The following PTPRN2 variants were observed in gnomAD, a reference collection of about 807,000 sequenced individuals.
The protein encoded by PTPRN2 is protein tyrosine phosphatase receptor type N2, also known as receptor-type tyrosine-protein phosphatase N2.
Under a neutral mutation model 118.8 loss-of-function variants are expected in PTPRN2, and 74 were observed. The observed-to-expected ratio is 0.62, with a 90% CI of 0.52 to 0.76. PTPRN2 has a LOEUF of 0.76. PTPRN2 is among the 30% of genes least tolerant of loss of function. PTPRN2 has a pLI of 0.00. For synonymous variants in PTPRN2, 641 were observed against 608.0 expected, an observed-to-expected ratio of 1.05 and a Z score of -0.80; for missense variants, 1,481 against 1,394.4, an observed-to-expected ratio of 1.06 and a Z score of -0.99.
chr7:158,001,586 ACGGGCGCTCC>A (rs1218934227), intron 11 of PTPRN2, among the ~76,000 whole-genome samples: 16 of 152,184 alleles, frequency 1.1e-4, no homozygotes, highest in Non-Finnish European at 4.4e-5. Context: ...CTTCAGCCTC[ACGGGCGCTCC>A]CACCATGCAG....
chr7:157,638,149 G>T (rs1804434967), intron 14 of PTPRN2, among the ~76,000 whole-genome samples: 1 of 152,260 alleles, frequency 6.6e-6, no homozygotes, highest in East Asian at 1.9e-4. Context: ...ATACCAGAAA[G>T]ACTTGCTTGT....
intron 12 of PTPRN2, among the ~76,000 whole-genome samples, chr7:157,844,352 C>T (rs971887764): frequency 6.6e-6 from 1 of 152,254 alleles, no homozygotes; most frequent in Non-Finnish European, 1.5e-5. Context: ...CCTGCACCCT[C>T]CAGGCAGCTG....
In PTPRN2 at chr7:157,611,959, G is replaced by A. The variant is rs1352249301; in HGVS notation, c.2345-7884C>T. Among the ~76,000 whole-genome samples, 3 of 152,166 alleles carry A rather than the reference G, an allele frequency of 2.0e-5. No individual in the cohort carries two copies. The highest frequency in any genetic ancestry group is 4.8e-5 in the African/African-American group (2 of 41,432). On this transcript the variant is annotated intron_variant, in intron 15 of 22. Coordinates refer to ENST00000389418, the MANE Select transcript of PTPRN2 (RefSeq NM_002847.5). This position sits in a 1 kb window ranked among gnomAD's most constrained non-coding sequence, Gnocchi z 5.9. ...GACAGCCGTGGTCGTGCTGAGGAGC[G>A]AGGCCTCCAGAGAAGCCAGCCCTGC...
intron 2 of PTPRN2, among the ~76,000 whole-genome samples, chr7:158,337,360 CCCTCACACCCACACTCTCACCATAA>C (rs1805829576): frequency 1.7e-5 from 1 of 60,210 alleles, no homozygotes; most frequent in Non-Finnish European, 3.9e-5. Context: ...CTGCAGACGT[CCCTCACACCCACACTCTCACCATAA>C]GAGGTAACAC....
rs1453567203 is a variant in PTPRN2, at chr7:157,794,252, A to G, written c.1788+104421T>C. ...TCGTTCTCTGCTCCGACCCGGGCTC[A>G]CACCTCCCCTCGTTCTCTGCTCCGA... On this transcript the variant is annotated intron_variant, in intron 12 of 22. Transcript: ENST00000389418. This position sits in a 1 kb window ranked among gnomAD's most constrained non-coding sequence, Gnocchi z 5.2. Among the ~76,000 whole-genome samples the G allele has an allele frequency of 7.6e-6, 1 of 131,242 alleles. No homozygotes were observed. The highest frequency in any genetic ancestry group is 2.9e-5 in the African/African-American group (1 of 34,022). 86.1% of individuals were successfully genotyped at this position (131,242 alleles called of 152,430 possible).
chr7:158,052,935 G>A (rs769590211), intron 11 of PTPRN2, among the ~76,000 whole-genome samples: 11 of 152,280 alleles, frequency 7.2e-5, no homozygotes, highest in Admixed American at 1.3e-4. Flanking sequence ...GGCCAGTGCC[G>A]CCCTTCTGCG....
chr7:158,376,713 G>A (rs1810554468), intron 2 of PTPRN2, among the ~76,000 whole-genome samples: 1 of 130,922 alleles, frequency 7.6e-6, no homozygotes, highest in South Asian at 2.6e-4. Flanking sequence ...CGCGGGGTCA[G>A]GGGACTCTCC....
chr7:157,795,693 C>T (rs890376018), intron 12 of PTPRN2, among the ~76,000 whole-genome samples: 4 of 152,226 alleles, frequency 2.6e-5, no homozygotes, highest in African/African-American at 7.2e-5. Context: ...GCCATGGAGG[C>T]GTTTTCAAAA....
rs11335302 is a variant in PTPRN2 at position 157,642,814 on chromosome 7, C to CAAA, written c.2196+13540_2196+13542dup. On this transcript the variant is annotated intron_variant, in intron 14 of 22. Transcript: ENST00000389418. ...AAGGGTCTACCAAGTCAAGAAACAG[C>CAAA]AAAAAAAAAAAAAAAAAAAAAAAAA... 6.5e-3 allele frequency among the ~76,000 whole-genome samples: 158 copies of CAAA among 24,212 alleles called. 19 individuals carry two copies. The highest frequency in any genetic ancestry group is 0.013 in the East Asian group (6 of 452). The allele number at this position is 24,212 out of a possible 152,430, so 15.9% of individuals were successfully genotyped here.
chr7:158,032,781 T>C (rs1807785704), intron 11 of PTPRN2, among the ~76,000 whole-genome samples: 1 of 151,926 alleles, frequency 6.6e-6, no homozygotes, highest in Admixed American at 6.6e-5. Flanking sequence ...ATGAGCAGAG[T>C]AAACCCAGGA....
intron 1 of PTPRN2, among the ~76,000 whole-genome samples, chr7:158,584,277 G>T (rs1460577001): frequency 6.6e-6 from 1 of 152,196 alleles, no homozygotes; most frequent in African/African-American, 2.4e-5. Context: ...AGGTTCACAA[G>T]TCAGCCTCCA....
chr7:158,146,348 C>A (rs535896370), intron 6 of PTPRN2, among the ~76,000 whole-genome samples: 9 of 152,296 alleles, frequency 5.9e-5, no homozygotes, highest in African/African-American at 1.7e-4. Flanking sequence ...TCCATCCCTC[C>A]ACCCACTAAC....
intron 12 of PTPRN2, among the ~76,000 whole-genome samples, chr7:157,884,574 TGAAA>T (rs953047677): frequency 1.3e-5 from 2 of 152,164 alleles, no homozygotes; most frequent in Non-Finnish European, 2.9e-5. Context: ...GGGCAATTTA[TGAAA>T]GAAAGAGGTT....
intron 3 of PTPRN2, among the ~76,000 whole-genome samples, chr7:158,256,278 A>T (rs567805432): frequency 2.2e-4 from 33 of 152,262 alleles, no homozygotes; most frequent in African/African-American, 6.7e-4. Flanking sequence ...TCAGAGTCTG[A>T]TGCCGACTGG....
chr7:157,697,709 C>T (rs200442259), intron 12 of PTPRN2, among the ~76,000 whole-genome samples: 9 of 128,336 alleles, frequency 7.0e-5, no homozygotes, highest in Admixed American at 3.2e-4. Flanking sequence ...GAGCCCTCAC[C>T]GTCTACCCAT....
intron 12 of PTPRN2, among the ~76,000 whole-genome samples, chr7:157,895,053 C>CA (rs993886331): frequency 6.6e-6 from 1 of 151,856 alleles, no homozygotes; most frequent in Non-Finnish European, 1.5e-5. Flanking sequence ...AGGACCCCTC[C>CA]CCCACAGGAG....
At chr7:157,918,621 T>C (rs1438897068) in intron 11 of PTPRN2, among the ~76,000 whole-genome samples, 2 of 152,012 alleles carry the variant, frequency 1.3e-5, no homozygotes, top group African/African-American at 4.8e-5. Context: ...CTATCAGACA[T>C]ACGAATGGAA....
intron 2 of PTPRN2, among the ~76,000 whole-genome samples, chr7:158,332,028 G>A (rs186986138): frequency 2.0e-5 from 3 of 146,498 alleles, no homozygotes; most frequent in African/African-American, 7.8e-5. Flanking sequence ...AAACGTCACT[G>A]ACACCCACAC....
chr7:157,693,602 C>G (rs1797626600), intron 12 of PTPRN2, among the ~76,000 whole-genome samples: 1 of 152,042 alleles, frequency 6.6e-6, no homozygotes, highest in South Asian at 2.1e-4. Context: ...CCACCATGGC[C>G]CTGCCCGGCC....
Sources: gnomAD v4.1 joint callset for allele counts (sites outside exome capture counted in the v4.1 genomes callset) on GRCh38, gnomAD v4.1.1 for gene constraint, Gnocchi (gnomAD v3.1) non-coding constraint, MANE v1.5 for transcripts, NCBI Gene and HGNC (gene_info 2026-07-23, HGNC 2026-07-21) for gene names.